CCNYL1: variants seen among roughly 807,000 people sequenced by gnomAD.
CCNYL1 encodes cyclin Y like 1.
In CCNYL1, 16 loss-of-function variants were observed where a neutral mutation model predicts 44.2. The ratio of observed to expected loss-of-function variants is 0.36; its 90% CI spans 0.25 to 0.55. The LOEUF (loss-of-function observed/expected upper bound fraction) is 0.55, where lower values mean the gene tolerates loss of function less well. Among genes scored for constraint, CCNYL1 ranks in the 20% least tolerant of loss-of-function variants. The pLI is 0.85. For synonymous variants in CCNYL1, 159 were observed against 163.2 expected (o/e 0.97, Z 0.20); for missense variants, 348 against 451.8 (o/e 0.77, Z 2.08).
Position 207,753,719 on chromosome 2 carries a change from A to G in CCNYL1, c.*21A>G. On this transcript the variant is annotated 3_prime_UTR_variant, in exon 10 of 10. Coordinates refer to ENST00000295414, the MANE Select transcript of CCNYL1 (RefSeq NM_001330218.2). Reference sequence around the variant, plus strand: ...CTTAAAAGGAGAAATGAGGGGTTATAACGTCATGGGACCTTCATCTACAAA... The same window carrying G: ...CTTAAAAGGAGAAATGAGGGGTTATGACGTCATGGGACCTTCATCTACAAA... 6.9e-7 allele frequency: 1 copy of G among 1,455,100 alleles called. No individual in the cohort carries two copies. Among genetic ancestry groups the G allele is most frequent in the Non-Finnish European group, 9.6e-7 (1 of 1,039,712 alleles). 90.1% of individuals were successfully genotyped at this position (1,455,100 alleles called of 1,614,324 possible).
chr2:207,714,432 G>T (rs1319162377), intron 1 of CCNYL1: 2 of 391,982 alleles, frequency 5.1e-6, no homozygotes, highest in African/African-American at 4.3e-5. Flanking sequence ...GAATAGCTGG[G>T]ACCACGGGCG....
intron 4 of CCNYL1, among the ~76,000 whole-genome samples, chr2:207,735,863 CA>C (rs1194666037): frequency 3.6e-5 from 5 of 138,522 alleles, no homozygotes; most frequent in Non-Finnish European, 7.9e-5. Context: ...GACTCTGTCT[CA>C]AAAAAAAAAC....
chr2:207,719,614 C>G (rs893551053), intron 1 of CCNYL1, among the ~76,000 whole-genome samples: 1 of 152,042 alleles, frequency 6.6e-6, no homozygotes, highest in African/African-American at 2.4e-5. Context: ...AGCAATTGCT[C>G]TTGCATTTCA....
chr2:207,738,721 T>C (rs2091784507), intron 5 of CCNYL1, among the ~76,000 whole-genome samples: 1 of 151,886 alleles, frequency 6.6e-6, no homozygotes. Flanking sequence ...CTTCTTTCTT[T>C]TTTTTTTCTT....
At chr2:207,742,076 G>A (rs544610920) in intron 6 of CCNYL1, 147 bp from the exon 7 acceptor site, 34 of 619,550 alleles carry the variant, frequency 5.5e-5, no homozygotes, top group African/African-American at 4.5e-4. Flanking sequence ...ACTTAAACCC[G>A]GGGGGTAGAG....
chr2:207,750,201 C>T (rs1240134781), intron 8 of CCNYL1, among the ~76,000 whole-genome samples: 10 of 152,156 alleles, frequency 6.6e-5, no homozygotes. Flanking sequence ...TAAGTCATAT[C>T]ATAAAATGGG....
chr2:207,730,821 ATCTGCTG>A (rs1420149866), intron 3 of CCNYL1, among the ~76,000 whole-genome samples: 28 of 152,196 alleles, frequency 1.8e-4, no homozygotes, highest in Non-Finnish European at 3.8e-4. Flanking sequence ...TGGAAATATT[ATCTGCTG>A]TCAATCCTGT....
At chr2:207,717,122 A>G (rs937584396) in intron 1 of CCNYL1, among the ~76,000 whole-genome samples, 4 of 151,924 alleles carry the variant, frequency 2.6e-5, no homozygotes, top group African/African-American at 9.7e-5. Context: ...AAAAAAAAAA[A>G]AAAAAGTTCT....
chr2:207,740,605 T>G, intron 5 of CCNYL1, 50 bp from the exon 6 acceptor site: 1 of 1,250,194 alleles, frequency 8.0e-7, no homozygotes, highest in Non-Finnish European at 1.2e-6. Flanking sequence ...TTTACTCAGA[T>G]ATTAACAATT....
At chr2:207,740,076 C>G (rs138164241) in intron 5 of CCNYL1, among the ~76,000 whole-genome samples, 1 of 152,274 alleles carries the variant, frequency 6.6e-6, no homozygotes, top group African/African-American at 2.4e-5. Context: ...GTCCACAGAC[C>G]ACACTTGGAG....
intron 7 of CCNYL1, among the ~76,000 whole-genome samples, chr2:207,744,228 T>TTGTGTG (rs61530643): frequency 0.026 from 3,912 of 150,308 alleles, 95 homozygotes; most frequent in African/African-American, 0.064. Flanking sequence ...CAGGAACATT[T>TTGTGTG]TGTGTGTGTG....
At position 207,711,702 on chromosome 2, in the gene CCNYL1, A is replaced by G. The variant is rs1210653658; in HGVS notation, c.-195A>G. 1 of 167,014 alleles carries G rather than the reference A, an allele frequency of 6.0e-6. No homozygotes were observed. Among genetic ancestry groups the G allele is most frequent in the East Asian group, 1.8e-4 (1 of 5,674 alleles). 10.3% of individuals were successfully genotyped at this position (167,014 alleles called of 1,614,324 possible). A position where few individuals can be genotyped will look rare whatever the true frequency, so the allele number is the denominator to read the frequency against. On this transcript the variant is annotated 5_prime_UTR_variant, in exon 1 of 10. Transcript: ENST00000295414. ...GCGGTGGGGGTGCGGCCGAGGCCCG[A>G]GCCCTGCCCGGGGCCGGGCCGCGGG... is the stretch of plus-strand genomic sequence containing the variant.
rs1488252403 is a variant in CCNYL1, at chr2:207,750,976, T to C, written c.826T>C (p.Phe276Leu). 2 of 1,613,792 alleles carry C rather than the reference T, an allele frequency of 1.2e-6. No homozygotes were observed. Among genetic ancestry groups the C allele is most frequent in the Admixed American group, 3.3e-5 (2 of 60,010 alleles). ...CTCCAGGAATGAAATGGAAAGGCAT[T>C]TTCTGGAGCTTCTTCAGTTTAATAT... ...VEDMNEMERH[F>L]LELLQFNINV... Residue 276 changes from phenylalanine to leucine, a missense_variant, in exon 9 of 10, where the codon TTT becomes CTT. Coordinates refer to ENST00000295414, the MANE Select transcript of CCNYL1 (RefSeq NM_001330218.2).
At chr2:207,712,384 C>G (rs1331265153) in intron 1 of CCNYL1, among the ~76,000 whole-genome samples, 2 of 152,224 alleles carry the variant, frequency 1.3e-5, no homozygotes, top group Non-Finnish European at 2.9e-5. Context: ...AGTCCGCCGC[C>G]CTTCTTGTTT....
chr2:207,730,275 G>A (rs2091717188), intron 3 of CCNYL1, among the ~76,000 whole-genome samples: 1 of 152,140 alleles, frequency 6.6e-6, no homozygotes, highest in South Asian at 2.1e-4. Flanking sequence ...AGCCGACCTT[G>A]CTGGCTTTTG....
At chr2:207,724,252 C>G (rs1162364993) in intron 1 of CCNYL1, among the ~76,000 whole-genome samples, 1 of 152,240 alleles carries the variant, frequency 6.6e-6, no homozygotes, top group African/African-American at 2.4e-5. Flanking sequence ...CCTCTTAAAT[C>G]TGCCATGATG....
At chr2:207,720,678 G>A (rs544557559) in intron 1 of CCNYL1, among the ~76,000 whole-genome samples, 1 of 152,214 alleles carries the variant, frequency 6.6e-6, no homozygotes, top group African/African-American at 2.4e-5. Flanking sequence ...GCCTCCCAGA[G>A]TGCTGGGATT....
rs1423847507 is a variant in CCNYL1, at chr2:207,740,703, T to C, written c.516T>C (p.Leu172=). The C allele has an allele frequency of 2.5e-6, 4 of 1,598,846 alleles. No homozygotes were observed. The African/African-American group carries it at 4.0e-5, about 16-fold the overall frequency. Residue 172 remains leucine, a synonymous_variant, in exon 6 of 10, where the codon CTT becomes CTC. Transcript: ENST00000295414. The stretch of plus-strand genomic sequence containing the variant: ...TTTTTGATGAGAGATCACATCCACT[T>C]ACAGTAAGTGTCACTTTTTTTGAGG... ...LDIFDERSHP[L]TREKVPEEYF...
intron 1 of CCNYL1, among the ~76,000 whole-genome samples, chr2:207,719,174 G>A (rs1008059120): frequency 6.6e-6 from 1 of 152,080 alleles, no homozygotes; most frequent in Non-Finnish European, 1.5e-5. Context: ...GGTAGCCAAA[G>A]TGCATATTTG....
Sources: gnomAD v4.1 joint callset for allele counts (sites outside exome capture counted in the v4.1 genomes callset) on GRCh38, gnomAD v4.1.1 for gene constraint, MANE v1.5 for transcripts, NCBI Gene and HGNC (gene_info 2026-07-23, HGNC 2026-07-21) for gene names.